TOM1L1: variants seen among roughly 807,000 people sequenced by gnomAD.
TOM1L1 encodes TOM1-like protein 1.
Under a neutral mutation model 63.4 loss-of-function variants are expected in TOM1L1, and 64 were observed. The ratio of observed to expected loss-of-function variants is 1.01; its 90% CI spans 0.83 to 1.24. TOM1L1 has a LOEUF of 1.24. Among genes scored for constraint, TOM1L1 ranks in the 50% most tolerant of loss-of-function variants. TOM1L1 has a pLI of 0.00. For synonymous variants in TOM1L1, 166 were observed against 194.4 expected (o/e 0.85, Z 1.22); for missense variants, 536 against 567.0 (o/e 0.95, Z 0.55).
chr17:54,901,715 G>A (rs910313000), intron 1 of TOM1L1, among the ~76,000 whole-genome samples: 1 of 152,098 alleles, frequency 6.6e-6, no homozygotes, highest in African/African-American at 2.4e-5. Flanking sequence ...CAGGAACTTA[G>A]TGGGGTGATG....
At chr17:54,937,352 TAGG>T (rs2048966240) in intron 10 of TOM1L1, 126 bp downstream of exon 10, 4 of 776,892 alleles carry the variant, frequency 5.1e-6, no homozygotes, top group Non-Finnish European at 2.2e-6. Context: ...AGCGCTATGT[TAGG>T]AGATGTGATT....
chr17:54,929,374 G>GAA (rs58110510), intron 7 of TOM1L1, among the ~76,000 whole-genome samples: 9 of 140,736 alleles, frequency 6.4e-5, no homozygotes, highest in African/African-American at 2.3e-4. Flanking sequence ...ATGCTTATGA[G>GAA]AAAAAAAAAA....
intron 14 of TOM1L1, among the ~76,000 whole-genome samples, chr17:54,950,969 G>T (rs545792837): frequency 2.0e-5 from 3 of 152,208 alleles, no homozygotes; most frequent in African/African-American, 7.2e-5. Context: ...ACACCAGCTG[G>T]GTGTCCTCTG....
intron 14 of TOM1L1, chr17:54,957,603 GA>G (rs1307402306): frequency 6.6e-6 from 1 of 152,140 alleles, no homozygotes; most frequent in Admixed American, 6.5e-5. Context: ...CTGGGGGTCA[GA>G]ATGTCTCAGT....
chr17:54,912,689 C>T lies in TOM1L1; in HGVS notation c.246C>T (p.Asn82=). 1.2e-6 allele frequency: 2 copies of T among 1,602,364 alleles called. No homozygotes were observed. The highest frequency in any genetic ancestry group is 1.7e-6 in the Non-Finnish European group (2 of 1,176,180). ...AGCTTATTGACATGTGTGTGCAGAA[C>T]TGTGGTCCAAGTTTCCAGTCTCTGA... The part of the protein sequence containing the change: ...TLSLIDMCVQ[N]CGPSFQSLIV... Residue 82 remains asparagine, a synonymous_variant, in exon 4 of 16, where the codon AAC becomes AAT. Coordinates refer to ENST00000575882, the MANE Select transcript of TOM1L1 (RefSeq NM_005486.3).
At position 54,961,436 on chromosome 17, in the gene TOM1L1, G is replaced by A. The variant is rs2077122539; in HGVS notation, c.*203G>A. 1 of 1,504,494 alleles carries A rather than the reference G, an allele frequency of 6.6e-7. No homozygotes were observed. Among genetic ancestry groups the A allele is most frequent in the South Asian group, 1.3e-5 (1 of 78,336 alleles). The allele number at this position is 1,504,494 out of a possible 1,614,324, so 93.2% of individuals were successfully genotyped here. A position where few individuals can be genotyped will look rare whatever the true frequency, so the allele number is the denominator to read the frequency against. On this transcript the variant is annotated 3_prime_UTR_variant, in exon 16 of 16. Transcript: ENST00000575882. Reference sequence around the variant, plus strand: ...CTGACAACAGCGTGAGATTTCAACAGAACTTGTTTGGAACAAATACTCACT... The same window carrying A: ...CTGACAACAGCGTGAGATTTCAACAAAACTTGTTTGGAACAAATACTCACT...
intron 2 of TOM1L1, among the ~76,000 whole-genome samples, chr17:54,904,422 G>A (rs1157604094): frequency 1.3e-5 from 2 of 151,076 alleles, no homozygotes; most frequent in African/African-American, 4.9e-5. Flanking sequence ...CCTTCTTTAG[G>A]AATATCTCCA....
intron 7 of TOM1L1, among the ~76,000 whole-genome samples, chr17:54,926,502 G>C (rs187583103): frequency 2.6e-5 from 4 of 152,228 alleles, no homozygotes; most frequent in African/African-American, 9.6e-5. Context: ...AGTAAGACAA[G>C]AAGAGAATGC....
In TOM1L1 at chr17:54,902,984, G is replaced by A. The variant is rs560600595; in HGVS notation, c.59-724G>A. Reference sequence around the variant, plus strand: ...ATTAAGGCTGAAAGTAAAAGTGTATGCAATGGAAGTTTTTACATAGTTGAG... The same window carrying A: ...ATTAAGGCTGAAAGTAAAAGTGTATACAATGGAAGTTTTTACATAGTTGAG... On this transcript the variant is annotated intron_variant, in intron 1 of 15. Coordinates refer to ENST00000575882, the MANE Select transcript of TOM1L1 (RefSeq NM_005486.3). Among the ~76,000 whole-genome samples the A allele has an allele frequency of 2.0e-5, 3 of 152,322 alleles. No homozygotes were observed. The East Asian group carries it at 5.8e-4, about 29-fold the overall frequency.
In TOM1L1 at chr17:54,913,893, C is replaced by T; in HGVS notation, c.498+20C>T. The T allele has an allele frequency of 1.3e-6, 2 of 1,597,566 alleles. No homozygotes were observed. The highest frequency in any genetic ancestry group is 1.7e-6 in the Non-Finnish European group (2 of 1,169,908). On this transcript the variant is annotated intron_variant, in intron 5 of 15. Transcript: ENST00000575882. ...CAAGAGGTAGGAGGCCTTTCTTTGA[C>T]CCATGGAGACTATAGTAGTGTATCA...
intron 3 of TOM1L1, among the ~76,000 whole-genome samples, chr17:54,910,421 A>G (rs559127138): frequency 6.6e-6 from 1 of 152,172 alleles, no homozygotes; most frequent in African/African-American, 2.4e-5. Flanking sequence ...GCGCCACTGC[A>G]CTCCAGCCTA....
chr17:54,916,231 C>T, intron 7 of TOM1L1: 1 of 296,038 alleles, frequency 3.4e-6, no homozygotes, highest in East Asian at 5.8e-5. Flanking sequence ...TATTCTAGTC[C>T]TTAAGAGTTT....
At chr17:54,952,094 C>G (rs1432017170) in intron 14 of TOM1L1, 1 of 152,080 alleles carries the variant, frequency 6.6e-6, no homozygotes. Context: ...AAGGCACCTA[C>G]AGTTGAAATT....
intron 7 of TOM1L1, among the ~76,000 whole-genome samples, chr17:54,922,327 C>A (rs1286673698): frequency 6.6e-6 from 1 of 151,960 alleles, no homozygotes; most frequent in Non-Finnish European, 1.5e-5. Context: ...GTAAGGAAGG[C>A]TAGGCACAGT....
At chr17:54,943,189 G>C (rs1243979815) in intron 11 of TOM1L1, among the ~76,000 whole-genome samples, 4 of 152,068 alleles carry the variant, frequency 2.6e-5, no homozygotes, top group Non-Finnish European at 5.9e-5. Context: ...TGTACTAAAA[G>C]ATTAGGAGTT....
intron 14 of TOM1L1, chr17:54,953,029 G>T (rs779339013): frequency 1.3e-5 from 2 of 152,156 alleles, no homozygotes; most frequent in African/African-American, 2.4e-5. Flanking sequence ...TTTCTTCCTG[G>T]ATAGGGTCCA....
intron 7 of TOM1L1, among the ~76,000 whole-genome samples, chr17:54,924,098 G>A (rs902732166): frequency 2.6e-5 from 4 of 151,856 alleles, no homozygotes; most frequent in African/African-American, 9.7e-5. Flanking sequence ...TCTCTAGTCT[G>A]GCCACAGAGC....
At chr17:54,951,408 C>A (rs954869373) in intron 14 of TOM1L1, among the ~76,000 whole-genome samples, 1 of 152,170 alleles carries the variant, frequency 6.6e-6, no homozygotes, top group South Asian at 2.1e-4. Flanking sequence ...TGTCAGCATT[C>A]CTTCCCCCAG....
intron 7 of TOM1L1, among the ~76,000 whole-genome samples, chr17:54,923,862 G>A (rs1308575005): frequency 6.6e-6 from 1 of 151,870 alleles, no homozygotes; most frequent in Non-Finnish European, 1.5e-5. Flanking sequence ...GCAGGTGCCT[G>A]TAATCCCAGC....
Sources: gnomAD v4.1 joint callset for allele counts (sites outside exome capture counted in the v4.1 genomes callset) on GRCh38, gnomAD v4.1.1 for gene constraint, MANE v1.5 for transcripts, NCBI Gene and HGNC (gene_info 2026-07-23, HGNC 2026-07-21) for gene names.